Variants in OR4K2 observed in about 807,000 individuals in gnomAD.
The protein encoded by OR4K2 is olfactory receptor 4K2.
A neutral mutation model predicts 10.5 loss-of-function variants in OR4K2; 8 were observed. That is an observed-to-expected ratio of 0.76 (90% CI 0.45 to 1.37). The LOEUF is 1.37. Among genes scored for constraint, OR4K2 ranks in the 40% most tolerant of loss-of-function variants. The pLI is 0.00. For missense variants in OR4K2, 547 were observed against 379.5 expected, an observed-to-expected ratio of 1.44 and a Z score of -3.67; for synonymous variants, 178 against 133.6, an observed-to-expected ratio of 1.33 and a Z score of -2.29.
At position 19,876,107 on chromosome 14, in the gene OR4K2, A is replaced by G; in HGVS notation, c.-51A>G. 1.6e-6 allele frequency: 1 copy of G among 635,680 alleles called. No individual in the cohort carries two copies. Among genetic ancestry groups the G allele is most frequent in the South Asian group, 2.2e-5 (1 of 46,336 alleles). 39.4% of individuals were successfully genotyped at this position (635,680 alleles called of 1,614,324 possible). A position where few individuals can be genotyped will look rare whatever the true frequency, so the allele number is the denominator to read the frequency against. On this transcript the variant is annotated 5_prime_UTR_variant, in exon 1 of 2. Transcript: ENST00000641885. The stretch of plus-strand genomic sequence containing the variant: ...AATTTCCATTCAAAACAATATACCA[A>G]ATGAGAAGGATGGAAAGAATAGTCA...
rs1439154693 is a variant in OR4K2 at position 19,876,363 on chromosome 14, A to G, written c.96A>G (p.Ser32=). The G allele has an allele frequency of 1.9e-6, 3 of 1,613,942 alleles. No homozygotes were observed. The highest frequency in any genetic ancestry group is 4.5e-5 in the East Asian group (2 of 44,870). The change falls in exon 2 of 2, where the codon TCA becomes TCG. Residue 32 remains serine, a synonymous_variant. Coordinates refer to ENST00000641885, the MANE Select transcript of OR4K2 (RefSeq NM_001005501.2). ...AGATGTTTTTCTTTATGGTGTTTTC[A>G]TTGCTTTATGTGGCAACAATGGTGG... ...ELQMFFFMVF[S]LLYVATMVGN...
chr14:19,876,295 T>C lies in OR4K2; in HGVS notation c.28T>C (p.Ser10Pro), dbSNP rs964406170. ...GGATGTGGGCAATAAGTCTACCATG[T>C]CTGAATTTGTTTTGCTGGGGCTCTC... MDVGNKSTM[S>P]EFVLLGLSNS... Residue 10 changes from serine (S) to proline (P), a missense_variant, in exon 2 of 2, where the codon TCT becomes CCT. Ser to Pro is a moderately conservative substitution (Grantham distance 74). Transcript: ENST00000641885. The C allele has an allele frequency of 6.2e-7, 1 of 1,612,870 alleles. No individual in the cohort carries two copies. Among genetic ancestry groups the C allele is most frequent in the Non-Finnish European group, 8.5e-7 (1 of 1,179,364 alleles).
rs770083864 is a variant in OR4K2, at chr14:19,876,417, A to G, written c.150A>G (p.Ile50Met). The G allele has an allele frequency of 1.9e-6, 3 of 1,614,086 alleles. No individual in the cohort carries two copies. Among genetic ancestry groups the G allele is most frequent in the Non-Finnish European group, 2.5e-6 (3 of 1,179,966 alleles). The part of the protein sequence containing the change: ...VGNSLIVITV[I>M]VDPHLHSPMY... Reference sequence around the variant, plus strand: ...ACAGCCTCATAGTCATCACAGTTATAGTGGACCCTCACCTACACTCTCCTA... The same window carrying G: ...ACAGCCTCATAGTCATCACAGTTATGGTGGACCCTCACCTACACTCTCCTA... Residue 50 changes from isoleucine to methionine, a missense_variant, in exon 2 of 2, where the codon ATA (isoleucine) becomes ATG (methionine). Ile to Met is a conservative substitution (Grantham distance 10, BLOSUM62 1). Coordinates refer to ENST00000641885, the MANE Select transcript of OR4K2 (RefSeq NM_001005501.2).
Position 19,876,694 on chromosome 14 carries a change from G to C in OR4K2, c.427G>C (p.Ala143Pro). The change falls in exon 2 of 2, where the codon GCT (alanine) becomes CCT (proline). Residue 143 changes from alanine to proline, a missense_variant. Physicochemically the swap from Ala to Pro is conservative, Grantham distance 27 (BLOSUM62 -1). Transcript: ENST00000641885. ...ASVISPQVCV[A>P]LVVASWIMGV... Reference sequence around the variant, plus strand: ...TGTCATTAGTCCCCAGGTGTGTGTTGCTCTCGTGGTGGCTTCCTGGATTAT... The same window carrying C: ...TGTCATTAGTCCCCAGGTGTGTGTTCCTCTCGTGGTGGCTTCCTGGATTAT... The C allele has an allele frequency of 6.2e-7, 1 of 1,614,146 alleles. No individual in the cohort carries two copies. The highest frequency in any genetic ancestry group is 8.5e-7 in the Non-Finnish European group (1 of 1,179,994).
At position 19,876,131 on chromosome 14, in the gene OR4K2, CA is replaced by C. The variant is rs1880886737; in HGVS notation, c.-25del. On this transcript the variant is annotated splice_region_variant and 5_prime_UTR_variant, in exon 1 of 2. Transcript: ENST00000641885. ...AAATGAGAAGGATGGAAAGAATAGT[CA>C]AGGTAAGTTTTATGAGAAGATAAAA... 1.4e-6 allele frequency: 1 copy of C among 715,410 alleles called. No individual in the cohort carries two copies. The highest frequency in any genetic ancestry group is 2.3e-6 in the Non-Finnish European group (1 of 440,190). The allele number at this position is 715,410 out of a possible 1,614,324, so 44.3% of individuals were successfully genotyped here. A position where few individuals can be genotyped will look rare whatever the true frequency, so the allele number is the denominator to read the frequency against.
At position 19,877,098 on chromosome 14, in the gene OR4K2, C is replaced by T. The variant is rs1454830933; in HGVS notation, c.831C>T (p.Ile277=). ...AGATTCTGTCTGTGTTTTATACCAT[C>T]TTTACTCCCACTCTGAACCCAATAA... ...TDKILSVFYT[I]FTPTLNPIIY... is the part of the protein sequence containing the mutation. The change falls in exon 2 of 2, where the codon ATC becomes ATT. Residue 277 remains isoleucine, a synonymous_variant. Coordinates refer to ENST00000641885, the MANE Select transcript of OR4K2 (RefSeq NM_001005501.2). 2 of 1,609,304 alleles carry T rather than the reference C, an allele frequency of 1.2e-6. No individual in the cohort carries two copies. Among genetic ancestry groups the T allele is most frequent in the Non-Finnish European group, 1.7e-6 (2 of 1,179,810 alleles).
rs1180112140 is a variant in OR4K2 at position 19,876,540 on chromosome 14, C to A, written c.273C>A (p.Thr91=). ...MITDYLTGHK[T]ISFDGCLTQI... is the part of the protein sequence containing the mutation. ...CAGATTACCTAACAGGTCACAAAAC[C>A]ATCTCTTTTGATGGCTGCCTTACCC... is the stretch of plus-strand genomic sequence containing the variant. The change falls in exon 2 of 2, where the codon ACC becomes ACA. Residue 91 remains threonine (T), a synonymous_variant. Transcript: ENST00000641885. 6.2e-7 allele frequency: 1 copy of A among 1,614,166 alleles called. No homozygotes were observed. The highest frequency in any genetic ancestry group is 1.1e-5 in the South Asian group (1 of 91,078).
Position 19,876,839 on chromosome 14 carries a change from A to ATACT in OR4K2, c.575_578dup (p.Val194LeufsTer24). On this transcript the variant is annotated frameshift_variant, in exon 2 of 2. Coordinates refer to ENST00000641885, the MANE Select transcript of OR4K2 (RefSeq NM_001005501.2). LOFTEE classifies it high-confidence loss of function. ...GTGGTGTTCCAGTTGGCTTGTGTGGATACTTATGTTCTGGGCCTCTTTATG... is the reference window on the plus strand; with the variant it reads ...GTGGTGTTCCAGTTGGCTTGTGTGGATACTTACTTATGTTCTGGGCCTCTTTATG... 6.2e-7 allele frequency: 1 copy of ATACT among 1,614,134 alleles called. No homozygotes were observed. Among genetic ancestry groups the ATACT allele is most frequent in the Non-Finnish European group, 8.5e-7 (1 of 1,179,994 alleles).
rs1484309019 is a variant in OR4K2 at position 19,876,758 on chromosome 14, T to A, written c.491T>A (p.Leu164His). The A allele has an allele frequency of 1.2e-6, 2 of 1,614,112 alleles. No individual in the cohort carries two copies. Among genetic ancestry groups the A allele is most frequent in the African/African-American group, 2.7e-5 (2 of 74,952 alleles). Residue 164 changes from leucine (L) to histidine (H), a missense_variant, in exon 2 of 2, where the codon CTC becomes CAC. Physicochemically the swap from Leu to His is moderately conservative, Grantham distance 99 (BLOSUM62 -3). Coordinates refer to ENST00000641885, the MANE Select transcript of OR4K2 (RefSeq NM_001005501.2). ...MHSMSQVIFA[L>H]TLPFCGPYEV... ...TCAATGAGTCAGGTCATATTTGCCC[T>A]CACGTTACCATTCTGTGGTCCCTAT...
Position 19,875,328 on chromosome 14 carries a change from A to G in OR4K2, c.-830A>G, listed in dbSNP as rs1293049300. 2.0e-5 allele frequency: 3 copies of G among 152,410 alleles called. No individual in the cohort carries two copies. The highest frequency in any genetic ancestry group is 2.9e-5 in the Non-Finnish European group (2 of 68,066). 9.4% of individuals were successfully genotyped at this position (152,410 alleles called of 1,614,324 possible). The stretch of plus-strand genomic sequence containing the variant: ...TTTTACAAATGAGTTCTACTGAAAT[A>G]TTTTAAATGTTTGCCCTTCCCACTC... On this transcript the variant is annotated 5_prime_UTR_variant, in exon 1 of 2. The change creates a new upstream start codon in the 5' untranslated region. Transcript: ENST00000641885.
At position 19,883,702 on chromosome 14, in the gene OR4K2, T is replaced by G. The variant is rs1158759623; in HGVS notation, c.*6490T>G. 3 of 152,254 alleles carry G rather than the reference T, an allele frequency of 2.0e-5. No individual in the cohort carries two copies. Among genetic ancestry groups the G allele is most frequent in the African/African-American group, 7.2e-5 (3 of 41,476 alleles). 9.4% of individuals were successfully genotyped at this position (152,254 alleles called of 1,614,324 possible). ...TTTAAAACGTTTAAATTTCTAAATTTCCTTTAAGTATATTAAAATGTACCT... is the reference window on the plus strand; with the variant it reads ...TTTAAAACGTTTAAATTTCTAAATTGCCTTTAAGTATATTAAAATGTACCT... On this transcript the variant is annotated 3_prime_UTR_variant, in exon 2 of 2. Transcript: ENST00000641885.
At position 19,882,006 on chromosome 14, in the gene OR4K2, A is replaced by G. The variant is rs1355742151; in HGVS notation, c.*4794A>G. 1 of 152,246 alleles carries G rather than the reference A, an allele frequency of 6.6e-6. No homozygotes were observed. The highest frequency in any genetic ancestry group is 1.5e-5 in the Non-Finnish European group (1 of 68,058). 9.4% of individuals were successfully genotyped at this position (152,246 alleles called of 1,614,324 possible). A position where few individuals can be genotyped will look rare whatever the true frequency, so the allele number is the denominator to read the frequency against. On this transcript the variant is annotated 3_prime_UTR_variant, in exon 2 of 2. Coordinates refer to ENST00000641885, the MANE Select transcript of OR4K2 (RefSeq NM_001005501.2). ...TACAATGTATTAAATGCTTGTGAAT[A>G]ATTCAAAGACTTACAGGAACATGCA...
At position 19,876,334 on chromosome 14, in the gene OR4K2, C is replaced by T. The variant is rs922907341; in HGVS notation, c.67C>T (p.Leu23=). The T allele has an allele frequency of 1.2e-6, 2 of 1,609,742 alleles. No individual in the cohort carries two copies. The highest frequency in any genetic ancestry group is 1.7e-6 in the Non-Finnish European group (2 of 1,177,796). Residue 23 remains leucine (L), a synonymous_variant, in exon 2 of 2, where the codon CTA becomes TTA. Transcript: ENST00000641885. ...VLLGLSNSWE[L]QMFFFMVFSL... is the part of the protein sequence containing the mutation. ...GCTGGGGCTCTCTAATTCCTGGGAA[C>T]TACAGATGTTTTTCTTTATGGTGTT...
At position 19,881,693 on chromosome 14, in the gene OR4K2, G is replaced by A. The variant is rs563792237; in HGVS notation, c.*4481G>A. On this transcript the variant is annotated 3_prime_UTR_variant, in exon 2 of 2. Transcript: ENST00000641885. ...GCCTTTTTATGACTACTAAATGCAA[G>A]ACCACTGTTAATTCGCCTTTTTTCT... 6 of 152,038 alleles carry A rather than the reference G, an allele frequency of 3.9e-5. No homozygotes were observed. The South Asian group carries it at 1.0e-3, about 26-fold the overall frequency. 9.4% of individuals were successfully genotyped at this position (152,038 alleles called of 1,614,324 possible).
Position 19,877,126 on chromosome 14 carries a change from T to C in OR4K2, c.859T>C (p.Tyr287His). ...TACTCCCACTCTGAACCCAATAATC[T>C]ATACTTTGAGGAATCAAGAAGTAAA... ...IFTPTLNPII[Y>H]TLRNQEVKIA... is the part of the protein sequence containing the mutation. Residue 287 changes from tyrosine to histidine, a missense_variant, in exon 2 of 2, where the codon TAT becomes CAT. Physicochemically the swap from Tyr to His is moderately conservative, Grantham distance 83 (BLOSUM62 2). Transcript: ENST00000641885. The C allele has an allele frequency of 1.9e-6, 3 of 1,605,972 alleles. No homozygotes were observed. Among genetic ancestry groups the C allele is most frequent in the Non-Finnish European group, 8.5e-7 (1 of 1,179,798 alleles).
In OR4K2 at chr14:19,877,306, G is replaced by T. The variant is rs879236215; in HGVS notation, c.*94G>T. 5.7e-5 allele frequency: 50 copies of T among 870,108 alleles called. 1 individual carries two copies. The South Asian group carries it at 8.6e-4, about 15-fold the overall frequency. The allele number at this position is 870,108 out of a possible 1,614,324, so 53.9% of individuals were successfully genotyped here. A position where few individuals can be genotyped will look rare whatever the true frequency, so the allele number is the denominator to read the frequency against. On this transcript the variant is annotated 3_prime_UTR_variant, in exon 2 of 2. Coordinates refer to ENST00000641885, the MANE Select transcript of OR4K2 (RefSeq NM_001005501.2). ...TTGTAATTGCCAAGAATTTGTGAGG[G>T]CTCAAGTTCAGTGCATTTTGAAACT...
chr14:19,881,919 C>T lies in OR4K2; in HGVS notation c.*4707C>T, dbSNP rs1881044915. 6.6e-6 allele frequency: 1 copy of T among 151,714 alleles called. No homozygotes were observed. The highest frequency in any genetic ancestry group is 1.5e-5 in the Non-Finnish European group (1 of 67,958). 9.4% of individuals were successfully genotyped at this position (151,714 alleles called of 1,614,324 possible). A position where few individuals can be genotyped will look rare whatever the true frequency, so the allele number is the denominator to read the frequency against. On this transcript the variant is annotated 3_prime_UTR_variant, in exon 2 of 2. Transcript: ENST00000641885. The stretch of plus-strand genomic sequence containing the variant: ...AATTTTTTCTTCTTGTTTGAGTGTA[C>T]TTATATTGGTTGTCCTACAGTTAAG...
In OR4K2 at chr14:19,881,373, T is replaced by C. The variant is rs1881031842; in HGVS notation, c.*4161T>C. The stretch of plus-strand genomic sequence containing the variant: ...CATGAGGTAAATATGCACAAATTAT[T>C]CTGGAGCGTGTAGGACCAACACTCA... On this transcript the variant is annotated 3_prime_UTR_variant, in exon 2 of 2. Transcript: ENST00000641885. The C allele has an allele frequency of 6.6e-6, 1 of 152,212 alleles. No homozygotes were observed. The highest frequency in any genetic ancestry group is 2.1e-4 in the South Asian group (1 of 4,838). 9.4% of individuals were successfully genotyped at this position (152,212 alleles called of 1,614,324 possible).
chr14:19,876,947 A>C lies in OR4K2; in HGVS notation c.680A>C (p.His227Pro). ...SYVIVLVTVKHHSSRGSSKAL... is the reference protein window; with the variant it reads ...SYVIVLVTVKPHSSRGSSKAL... Reference sequence around the variant, plus strand: ...GTTATTGTCCTGGTTACTGTGAAGCATCATTCTTCCAGAGGATCATCTAAG... The same window carrying C: ...GTTATTGTCCTGGTTACTGTGAAGCCTCATTCTTCCAGAGGATCATCTAAG... The change falls in exon 2 of 2, where the codon CAT becomes CCT. Residue 227 changes from histidine (H) to proline (P), a missense_variant. By Grantham distance (77) the His-to-Pro change is moderately conservative. Coordinates refer to ENST00000641885, the MANE Select transcript of OR4K2 (RefSeq NM_001005501.2). The C allele has an allele frequency of 6.2e-7, 1 of 1,614,094 alleles. No homozygotes were observed. The highest frequency in any genetic ancestry group is 8.5e-7 in the Non-Finnish European group (1 of 1,179,986).
Sources: gnomAD v4.1 joint callset for allele counts on GRCh38, gnomAD v4.1.1 for gene constraint, MANE v1.5 for transcripts, NCBI Gene and HGNC (gene_info 2026-07-23, HGNC 2026-07-21) for gene names.